Variants in BMP2K observed in about 807,000 individuals in gnomAD.
BMP2K encodes BMP2 inducible kinase.
A neutral mutation model predicts 116.0 loss-of-function variants in BMP2K; 74 were observed. The ratio of observed to expected loss-of-function variants is 0.64; its 90% confidence interval spans 0.53 to 0.77. The LOEUF is 0.77. Ranked by LOEUF, BMP2K falls within the 30% of genes least tolerant of loss-of-function variation. The probability of loss-of-function intolerance (pLI) is 0.00; values close to 1 mark genes in which losing one functional copy is unlikely to be tolerated. For synonymous variants in BMP2K, 486 were observed against 502.5 expected (o/e 0.97, Z 0.44); for missense variants, 1,365 against 1,403.6 (o/e 0.97, Z 0.44).
chr4:78,814,926 C>G (rs1729261590), intron 1 of BMP2K, among the ~76,000 whole-genome samples: 1 of 152,024 alleles, frequency 6.6e-6, no homozygotes, highest in Non-Finnish European at 1.5e-5. Flanking sequence ...AAGATTCTTT[C>G]ATTTGGCTGA....
At chr4:78,843,821 A>T (rs138669529) in intron 4 of BMP2K, among the ~76,000 whole-genome samples, 1 of 151,836 alleles carries the variant, frequency 6.6e-6, no homozygotes, top group Non-Finnish European at 1.5e-5. Flanking sequence ...TGCAAAGTTG[A>T]TATCTTCAGC....
chr4:78,840,174 T>C (rs893769273), intron 3 of BMP2K, among the ~76,000 whole-genome samples: 3 of 152,210 alleles, frequency 2.0e-5, no homozygotes, highest in Non-Finnish European at 4.4e-5. Context: ...TTTTTAATGT[T>C]AGTGATGAAA....
intron 5 of BMP2K, among the ~76,000 whole-genome samples, chr4:78,846,493 A>T (rs1467037123): frequency 6.6e-6 from 1 of 151,680 alleles, no homozygotes; most frequent in African/African-American, 2.4e-5. Context: ...TAGGATGTCC[A>T]TTCATCTTCT....
At chr4:78,851,432 G>A (rs1048649832) in intron 7 of BMP2K, among the ~76,000 whole-genome samples, 1 of 151,892 alleles carries the variant, frequency 6.6e-6, no homozygotes, top group South Asian at 2.1e-4. Context: ...ATATCTACAA[G>A]GCAAAATTTA....
At position 78,871,120 on chromosome 4, in the gene BMP2K, A is replaced by G. The variant is rs868411155; in HGVS notation, c.1509+60A>G. ...GTGAAATTGATGCAGCAAATTGAAT[A>G]TCAGTGAATTCCTTTTTGTATCATG... On this transcript the variant is annotated intron_variant, in intron 11 of 15. Coordinates refer to ENST00000502613, the MANE Select transcript of BMP2K (RefSeq NM_198892.2). The G allele has an allele frequency of 2.9e-5, 46 of 1,575,494 alleles. No homozygotes were observed. The African/African-American group carries it at 5.6e-4, about 19-fold the overall frequency.
chr4:78,806,415 C>T (rs1728823781), intron 1 of BMP2K, among the ~76,000 whole-genome samples: 1 of 152,080 alleles, frequency 6.6e-6, no homozygotes, highest in Non-Finnish European at 1.5e-5. Flanking sequence ...TGGCTTCAAG[C>T]AGTCCTCCTG....
chr4:78,835,469 CAAAA>C (rs200721103), intron 3 of BMP2K, among the ~76,000 whole-genome samples: 7 of 150,042 alleles, frequency 4.7e-5, no homozygotes, highest in Non-Finnish European at 1.0e-4. Flanking sequence ...ACTAAAAATA[CAAAA>C]AAAAAGTTAG....
intron 1 of BMP2K, among the ~76,000 whole-genome samples, chr4:78,786,558 C>T (rs916662054): frequency 6.6e-6 from 1 of 151,902 alleles, no homozygotes; most frequent in African/African-American, 2.4e-5. Flanking sequence ...CTTAGCCTCC[C>T]GACAGTTGGG....
intron 1 of BMP2K, among the ~76,000 whole-genome samples, chr4:78,797,433 C>T (rs190288921): frequency 2.0e-5 from 3 of 152,116 alleles, no homozygotes; most frequent in Non-Finnish European, 2.9e-5. Context: ...ATCTAGGGTC[C>T]TTTATTGAAC....
At chr4:78,856,454 T>C (rs1415054322) in intron 7 of BMP2K, among the ~76,000 whole-genome samples, 2 of 152,296 alleles carry the variant, frequency 1.3e-5, no homozygotes, top group East Asian at 3.9e-4. Context: ...ACCCATTCTC[T>C]TGAAGAGTTC....
chr4:78,798,676 A>G (rs1359761177), intron 1 of BMP2K, among the ~76,000 whole-genome samples: 1 of 152,216 alleles, frequency 6.6e-6, no homozygotes, highest in Non-Finnish European at 1.5e-5. Flanking sequence ...AAAAGTACAC[A>G]TAACTACTGT....
intron 13 of BMP2K, among the ~76,000 whole-genome samples, chr4:78,876,458 T>C (rs564948460): frequency 6.6e-6 from 1 of 152,342 alleles, no homozygotes; most frequent in East Asian, 1.9e-4. Flanking sequence ...TTACTATTTA[T>C]TTTCCTCTGT....
intron 1 of BMP2K, among the ~76,000 whole-genome samples, chr4:78,817,350 G>A (rs924674085): frequency 1.3e-5 from 2 of 152,176 alleles, no homozygotes; most frequent in Admixed American, 6.5e-5. Flanking sequence ...GGGGTCATCT[G>A]TACTTCTGAT....
At position 78,776,419 on chromosome 4, in the gene BMP2K, C is replaced by G. The variant is rs1727231625; in HGVS notation, c.-125C>G. The G allele has an allele frequency of 2.0e-6, 2 of 975,972 alleles. 1 individual carries two copies. The highest frequency in any genetic ancestry group is 3.5e-5 in the African/African-American group (2 of 57,246). The allele number at this position is 975,972 out of a possible 1,614,324, so 60.5% of individuals were successfully genotyped here. Reference sequence around the variant, plus strand: ...CGCTTGGGGAGCGCGGAATGTGAGGCTTGGCGGGCCGCAGCACGCTCGGAC... The same window carrying G: ...CGCTTGGGGAGCGCGGAATGTGAGGGTTGGCGGGCCGCAGCACGCTCGGAC... On this transcript the variant is annotated 5_prime_UTR_variant, in exon 1 of 16. Transcript: ENST00000502613.
rs1161921117 is a variant in BMP2K at position 78,852,730 on chromosome 4, T to G, written c.883+1674T>G. 2.0e-5 allele frequency among the ~76,000 whole-genome samples: 3 copies of G among 152,120 alleles called. No homozygotes were observed. The East Asian group carries it at 5.8e-4, about 29-fold the overall frequency. ...AAGTGATCCTCCCACCTCAGCCTCCTGAGTAGCTGGAACTATGGGCATGTG... is the reference window on the plus strand; with the variant it reads ...AAGTGATCCTCCCACCTCAGCCTCCGGAGTAGCTGGAACTATGGGCATGTG... On this transcript the variant is annotated intron_variant, in intron 7 of 15. Transcript: ENST00000502613.
intron 2 of BMP2K, among the ~76,000 whole-genome samples, chr4:78,830,296 G>C (rs1487383350): frequency 6.6e-6 from 1 of 152,136 alleles, no homozygotes; most frequent in African/African-American, 2.4e-5. Context: ...TCAACAGTGG[G>C]CTTAAAATAT....
chr4:78,780,343 G>A (rs994290428), intron 1 of BMP2K, among the ~76,000 whole-genome samples: 30 of 152,096 alleles, frequency 2.0e-4, no homozygotes, highest in African/African-American at 6.5e-4. Context: ...TACTGAGATG[G>A]GTGTTGGGGG....
chr4:78,853,327 ATAAACCTAT>A (rs1731347369), intron 7 of BMP2K, among the ~76,000 whole-genome samples: 1 of 152,154 alleles, frequency 6.6e-6, no homozygotes, highest in Non-Finnish European at 1.5e-5. Context: ...TTTACTCTTC[ATAAACCTAT>A]TAATTTCTTC....
At chr4:78,810,093 A>G (rs1729013258) in intron 1 of BMP2K, among the ~76,000 whole-genome samples, 1 of 152,226 alleles carries the variant, frequency 6.6e-6, no homozygotes, top group Non-Finnish European at 1.5e-5. Context: ...GTTGCCACTG[A>G]AGTCTGCTCA....
Sources: gnomAD v4.1 joint callset for allele counts (sites outside exome capture counted in the v4.1 genomes callset) on GRCh38, gnomAD v4.1.1 for gene constraint, MANE v1.5 for transcripts, NCBI Gene and HGNC (gene_info 2026-07-23, HGNC 2026-07-21) for gene names.